Variants in RASGRP1 observed in about 807,000 individuals in gnomAD.
The protein encoded by RASGRP1 is RAS guanyl-releasing protein 1.
Under a neutral mutation model 95.1 loss-of-function variants are expected in RASGRP1, and 37 were observed. That is an observed-to-expected ratio of 0.39 (90% confidence interval 0.30 to 0.51). The LOEUF (loss-of-function observed/expected upper bound fraction) is 0.51. RASGRP1 is among the 20% of genes least tolerant of loss of function. The pLI, the probability that RASGRP1 is intolerant of heterozygous loss-of-function variation, is 0.80. For missense variants in RASGRP1, 711 were observed against 965.4 expected (o/e 0.74, Z 3.49); for synonymous variants, 325 against 353.4 (o/e 0.92, Z 0.90).
intron 1 of RASGRP1, among the ~76,000 whole-genome samples, chr15:38,562,439 C>T (rs1595889272): frequency 1.3e-5 from 2 of 152,224 alleles, no homozygotes; most frequent in South Asian, 2.1e-4. Flanking sequence ...CCATGCAGTG[C>T]GCCCCAGGTG....
chr15:38,505,042 T>C (rs1041369898), intron 10 of RASGRP1: 1 of 152,238 alleles, frequency 6.6e-6, no homozygotes, highest in Non-Finnish European at 1.5e-5. Flanking sequence ...CCAAATATTT[T>C]CAGTGGAATC....
At chr15:38,525,395 A>G (rs185490079) in intron 3 of RASGRP1, among the ~76,000 whole-genome samples, 1 of 152,262 alleles carries the variant, frequency 6.6e-6, no homozygotes, top group Non-Finnish European at 1.5e-5. Flanking sequence ...TGGTTTCATG[A>G]TGGTTTAAAA....
Position 38,490,590 on chromosome 15 carries a change from A to G in RASGRP1, c.2358T>C (p.His786=). Residue 786 remains histidine, a synonymous_variant, in exon 17 of 17, where the codon CAT becomes CAC. Coordinates refer to ENST00000310803, the MANE Select transcript of RASGRP1 (RefSeq NM_005739.4). ...IESLQLEKSN[H]VLAQMEQGDC... ...CACCCTGCTCCATTTGAGCTAAGAC[A>G]TGATTGCTTTTTTCAAGCTGGAGGG... The G allele has an allele frequency of 2.5e-6, 4 of 1,613,260 alleles. No individual in the cohort carries two copies. The highest frequency in any genetic ancestry group is 1.3e-5 in the African/African-American group (1 of 75,034).
Position 38,502,348 on chromosome 15 carries a change from C to T in RASGRP1, c.1502G>A (p.Ser501Asn). ...SQEEFEKIAA[S>N]FPFSFCVMDK... is the part of the protein sequence containing the mutation. ...CATCACACAGAAGGAAAATGGAAAA[C>T]TCGCAGCAATCTTTTCAAATTCTTC... Residue 501 changes from serine (S) to asparagine (N), a missense_variant, in exon 12 of 17, where the codon AGT becomes AAT. By Grantham distance (46) the Ser-to-Asn change is conservative. This residue lies in a region of RASGRP1 where 491 missense variants were observed against 676.6 expected (regional missense o/e 0.73). Transcript: ENST00000310803. The T allele has an allele frequency of 2.5e-6, 4 of 1,603,514 alleles. No homozygotes were observed. Among genetic ancestry groups the T allele is most frequent in the Non-Finnish European group, 3.4e-6 (4 of 1,170,496 alleles).
intron 3 of RASGRP1, chr15:38,524,564 C>T (rs575203198): frequency 2.6e-5 from 4 of 152,396 alleles, no homozygotes; most frequent in African/African-American, 9.6e-5. Flanking sequence ...GAGAAAAAGC[C>T]ATTGGGCTTT....
rs1363801524 is a variant in RASGRP1 at position 38,494,862 on chromosome 15, A to T, written c.1874-95T>A. Reference sequence around the variant, plus strand: ...TTTCAATGAGACCTTTCTTATTGTTACTGGAGTTCCATATGTTCAAAGAGG... The same window carrying T: ...TTTCAATGAGACCTTTCTTATTGTTTCTGGAGTTCCATATGTTCAAAGAGG... On this transcript the variant is annotated intron_variant, in intron 15 of 16. Coordinates refer to ENST00000310803, the MANE Select transcript of RASGRP1 (RefSeq NM_005739.4). The T allele has an allele frequency of 2.7e-6, 3 of 1,118,972 alleles. No homozygotes were observed. In the African/African-American group the frequency reaches 4.8e-5, roughly 18 times the overall value. The allele number at this position is 1,118,972 out of a possible 1,614,324, so 69.3% of individuals were successfully genotyped here. A position where few individuals can be genotyped will look rare whatever the true frequency, so the allele number is the denominator to read the frequency against.
chr15:38,515,147 C>T (rs1891709229), intron 6 of RASGRP1, among the ~76,000 whole-genome samples: 1 of 152,182 alleles, frequency 6.6e-6, no homozygotes, highest in Non-Finnish European at 1.5e-5. Context: ...AGGTCTCCTT[C>T]CAGACACAAC....
intron 16 of RASGRP1, among the ~76,000 whole-genome samples, chr15:38,491,231 G>T (rs190070036): frequency 3.3e-4 from 51 of 152,250 alleles, no homozygotes; most frequent in African/African-American, 1.2e-3. Flanking sequence ...TTCTGATTTT[G>T]AGTCCAGTGT....
In RASGRP1 at chr15:38,538,901, G is replaced by A. The variant is rs184846410; in HGVS notation, c.221-12497C>T. 5.1e-4 allele frequency among the ~76,000 whole-genome samples: 78 copies of A among 152,222 alleles called. 1 individual carries two copies. Among genetic ancestry groups the A allele is most frequent in the Admixed American group, 3.9e-3 (59 of 15,296 alleles). On this transcript the variant is annotated intron_variant, in intron 2 of 16. Transcript: ENST00000310803. ...TAACTTGTGGGTCCCAAATAGTTAC[G>A]GTGCCTGACAGTTGTCACGTAGGCA...
intron 3 of RASGRP1, among the ~76,000 whole-genome samples, 178 bp downstream of exon 3, chr15:38,526,121 A>C (rs1397137888): frequency 6.6e-6 from 1 of 152,062 alleles, no homozygotes; most frequent in Non-Finnish European, 1.5e-5. Flanking sequence ...GCCCCACCCA[A>C]CAGAGGATAC....
At chr15:38,499,269 C>T (rs1890917738) in intron 14 of RASGRP1, 3 of 428,608 alleles carry the variant, frequency 7.0e-6, no homozygotes, top group South Asian at 6.1e-5. Context: ...GCTGTTAGGT[C>T]TTATTTTCTT....
At chr15:38,501,569 A>G in intron 12 of RASGRP1, 1 of 528,578 alleles carries the variant, frequency 1.9e-6, no homozygotes, top group African/African-American at 1.9e-5. Context: ...CTTGAAAAAG[A>G]AACAATGTAA....
chr15:38,564,499 C>T, intron 1 of RASGRP1, 95 bp downstream of exon 1: 1 of 1,209,276 alleles, frequency 8.3e-7, no homozygotes, highest in Non-Finnish European at 1.0e-6. Context: ...CCCCTCCGCC[C>T]TCAACTTCCC....
chr15:38,492,299 T>C (rs910876690), intron 16 of RASGRP1, among the ~76,000 whole-genome samples: 1 of 152,190 alleles, frequency 6.6e-6, no homozygotes, highest in Admixed American at 6.5e-5. Flanking sequence ...TCTCTTAATA[T>C]TATGTTCTTT....
intron 9 of RASGRP1, among the ~76,000 whole-genome samples, chr15:38,507,044 C>G (rs1005629551): frequency 6.6e-6 from 1 of 152,158 alleles, no homozygotes; most frequent in Non-Finnish European, 1.5e-5. Context: ...CCAAAAACAG[C>G]AGGTTAAAAA....
At chr15:38,501,075 G>A (rs942325245) in intron 13 of RASGRP1, 68 bp downstream of exon 13, 87 of 1,477,366 alleles carry the variant, frequency 5.9e-5, no homozygotes, top group Non-Finnish European at 7.9e-5. Flanking sequence ...TGTGAGGTCT[G>A]TGCCTGTCTT....
chr15:38,563,745 A>G (rs1289920122), intron 1 of RASGRP1, among the ~76,000 whole-genome samples: 3 of 152,196 alleles, frequency 2.0e-5, no homozygotes, highest in Non-Finnish European at 2.9e-5. Context: ...ATACAGGGCC[A>G]AGAATCCTTC....
chr15:38,500,084 CA>C lies in RASGRP1; in HGVS notation c.1720+18del. The C allele has an allele frequency of 6.2e-7, 1 of 1,611,108 alleles. No homozygotes were observed. The highest frequency in any genetic ancestry group is 8.5e-7 in the Non-Finnish European group (1 of 1,178,546). On this transcript the variant is annotated intron_variant, in intron 14 of 16. Coordinates refer to ENST00000310803, the MANE Select transcript of RASGRP1 (RefSeq NM_005739.4). ...ATGGACTGATACACCAGGAATATGT[CA>C]ACAATATTGAGTCTTACCTTTACAT... is the stretch of plus-strand genomic sequence containing the variant.
chr15:38,532,938 C>T (rs1381438472), intron 2 of RASGRP1, among the ~76,000 whole-genome samples: 3 of 151,992 alleles, frequency 2.0e-5, no homozygotes, highest in African/African-American at 7.3e-5. Context: ...CTGCTCCTTG[C>T]TGATAAGAGG....
Sources: gnomAD v4.1 joint callset for allele counts (sites outside exome capture counted in the v4.1 genomes callset) on GRCh38, gnomAD v4.1.1 for gene constraint, gnomAD v4.1.1 regional missense constraint, MANE v1.5 for transcripts, NCBI Gene and HGNC (gene_info 2026-07-23, HGNC 2026-07-21) for gene names.